GAB2: variants seen among roughly 807,000 people sequenced by gnomAD.
GAB2 encodes the protein GRB2 associated binding protein 2.
In GAB2, 26 loss-of-function variants were observed where a neutral mutation model predicts 65.5. The observed-to-expected ratio is 0.40, with a 90% CI of 0.29 to 0.55. GAB2 has a LOEUF of 0.55. Among genes scored for constraint, GAB2 ranks in the 20% least tolerant of loss-of-function variants. The probability of loss-of-function intolerance (pLI) is 0.53; values close to 1 mark genes in which losing one functional copy is unlikely to be tolerated. For synonymous variants in GAB2, 321 were observed against 329.6 expected, an observed-to-expected ratio of 0.97 and a Z score of 0.28; for missense variants, 884 against 875.8, an observed-to-expected ratio of 1.01 and a Z score of -0.12.
At chr11:78,294,209 G>A (rs1275283272) in intron 1 of GAB2, among the ~76,000 whole-genome samples, 1 of 152,106 alleles carries the variant, frequency 6.6e-6, no homozygotes, top group Non-Finnish European at 1.5e-5. Context: ...GAGAATGATG[G>A]TTTCCAGCTT....
intron 1 of GAB2, among the ~76,000 whole-genome samples, chr11:78,378,652 C>A (rs1003210441): frequency 1.2e-4 from 18 of 151,958 alleles, no homozygotes; most frequent in African/African-American, 4.4e-4. Context: ...TCACTTTTTT[C>A]TTTTTGTTCT....
chr11:78,415,998 A>G (rs989849854), intron 1 of GAB2, among the ~76,000 whole-genome samples: 25 of 133,912 alleles, frequency 1.9e-4, no homozygotes, highest in African/African-American at 6.1e-4. Flanking sequence ...ATGGAAATCT[A>G]TTTGTATAGA....
intron 3 of GAB2, among the ~76,000 whole-genome samples, chr11:78,237,130 G>T (rs1352825052): frequency 1.3e-5 from 2 of 152,164 alleles, no homozygotes; most frequent in Admixed American, 6.5e-5. Flanking sequence ...TGTTATCTTT[G>T]AATGCTTGGT....
intron 1 of GAB2, among the ~76,000 whole-genome samples, chr11:78,302,288 T>C (rs1429359127): frequency 1.3e-5 from 2 of 152,050 alleles, no homozygotes; most frequent in African/African-American, 4.8e-5. Context: ...TCTATACATC[T>C]GACAAAGGAC....
chr11:78,415,923 T>C (rs1025527194), intron 1 of GAB2, among the ~76,000 whole-genome samples: 2 of 150,962 alleles, frequency 1.3e-5, no homozygotes, highest in African/African-American at 4.9e-5. Flanking sequence ...TGTTCAAACT[T>C]GAAAATTAAG....
At chr11:78,380,678 G>C (rs1018808022) in intron 1 of GAB2, among the ~76,000 whole-genome samples, 3 of 152,162 alleles carry the variant, frequency 2.0e-5, no homozygotes, top group African/African-American at 7.2e-5. Flanking sequence ...CAAACTGAAA[G>C]CTATTGGAAC....
chr11:78,234,154 C>T (rs928634556), intron 3 of GAB2, among the ~76,000 whole-genome samples: 4 of 152,264 alleles, frequency 2.6e-5, no homozygotes, highest in East Asian at 1.9e-4. Flanking sequence ...GATCTTGGCT[C>T]ACTGCAGTCT....
intron 1 of GAB2, among the ~76,000 whole-genome samples, chr11:78,289,914 G>A (rs1866609166): frequency 6.7e-6 from 1 of 148,986 alleles, no homozygotes; most frequent in Admixed American, 6.8e-5. Context: ...AGAGAATATG[G>A]CACAGTCTTC....
intron 3 of GAB2, among the ~76,000 whole-genome samples, chr11:78,229,326 G>A (rs1004253278): frequency 1.3e-5 from 2 of 152,166 alleles, no homozygotes; most frequent in East Asian, 1.9e-4. Context: ...TGCTCAGGCT[G>A]CAGCAAGCAC....
intron 1 of GAB2, among the ~76,000 whole-genome samples, chr11:78,384,727 A>C (rs1856744059): frequency 6.6e-6 from 1 of 152,192 alleles, no homozygotes; most frequent in Non-Finnish European, 1.5e-5. Context: ...TCTGTTCTAG[A>C]AAGAATACTG....
chr11:78,265,911 A>C (rs2134554493), intron 2 of GAB2, among the ~76,000 whole-genome samples: 2 of 152,260 alleles, frequency 1.3e-5, no homozygotes, highest in South Asian at 4.1e-4. Context: ...ATTTATAACC[A>C]AACACTGTAA....
At chr11:78,417,540 T>G in intron 1 of GAB2, 106 bp downstream of exon 1, 13 of 337,868 alleles carry the variant, frequency 3.8e-5, no homozygotes, top group Non-Finnish European at 5.0e-5. Context: ...CCCCCGCGGC[T>G]CCGGGCCCGA....
chr11:78,255,154 T>C (rs1307513649), intron 2 of GAB2, among the ~76,000 whole-genome samples: 1 of 152,010 alleles, frequency 6.6e-6, no homozygotes, highest in African/African-American at 2.4e-5. Context: ...ATGTGATGTA[T>C]GGGTCAAGGT....
intron 1 of GAB2, among the ~76,000 whole-genome samples, chr11:78,403,246 T>C (rs1435364646): frequency 1.3e-5 from 2 of 152,250 alleles, no homozygotes; most frequent in African/African-American, 2.4e-5. Context: ...GTTTAAATTT[T>C]TAAAAACTGC....
intron 5 of GAB2, 108 bp downstream of exon 5, chr11:78,225,000 A>C (rs1329425195): frequency 1.4e-6 from 1 of 707,706 alleles, no homozygotes; most frequent in Non-Finnish European, 2.5e-6. Flanking sequence ...GCAGGGTCCT[A>C]AGATGGAGAC....
At chr11:78,287,937 C>T (rs888964088) in intron 1 of GAB2, among the ~76,000 whole-genome samples, 31 of 151,758 alleles carry the variant, frequency 2.0e-4, no homozygotes, top group African/African-American at 6.8e-4. Flanking sequence ...TGTGAGCCAG[C>T]GTGCCCAGCC....
rs1242670150 is a variant in GAB2 at position 78,348,756 on chromosome 11, G to A, written c.76-67855C>T. On this transcript the variant is annotated intron_variant, in intron 1 of 9. Transcript: ENST00000361507. ...GAGAAATGAAAATGTATGCTCCACA[G>A]AAAGATTTCCAAGTGAATGTTCATA... Among the ~76,000 whole-genome samples the A allele has an allele frequency of 2.0e-5, 3 of 152,302 alleles. No individual in the cohort carries two copies. The East Asian group carries it at 5.8e-4, about 29-fold the overall frequency.
intron 3 of GAB2, among the ~76,000 whole-genome samples, chr11:78,230,031 G>A (rs1294316964): frequency 6.6e-6 from 1 of 152,112 alleles, no homozygotes; most frequent in Non-Finnish European, 1.5e-5. Context: ...ACTTATCTCT[G>A]CCAACAGACT....
intron 1 of GAB2, among the ~76,000 whole-genome samples, chr11:78,360,327 G>C (rs1367164886): frequency 6.6e-6 from 1 of 151,576 alleles, no homozygotes; most frequent in East Asian, 1.9e-4. Flanking sequence ...CTAGCATTTT[G>C]GGAGGCCAAA....
Sources: gnomAD v4.1 joint callset for allele counts (sites outside exome capture counted in the v4.1 genomes callset) on GRCh38, gnomAD v4.1.1 for gene constraint, MANE v1.5 for transcripts, NCBI Gene and HGNC (gene_info 2026-07-23, HGNC 2026-07-21) for gene names.